PCDHA10: variants seen among roughly 807,000 people sequenced by gnomAD.
PCDHA10 encodes the protein protocadherin alpha-10.
PCDHA10 carries 45 observed loss-of-function variants against 61.2 expected under a neutral mutation model. The ratio of observed to expected loss-of-function variants is 0.74; its 90% confidence interval spans 0.58 to 0.94. The LOEUF (loss-of-function observed/expected upper bound fraction) is 0.94, where lower values mean the gene tolerates loss of function less well. Ranked by LOEUF, PCDHA10 falls within the 40% of genes least tolerant of loss-of-function variation. The probability of loss-of-function intolerance (pLI) is 0.00; values close to 1 mark genes in which losing one functional copy is unlikely to be tolerated. For missense variants in PCDHA10, 1,278 were observed against 1,236.2 expected (o/e 1.03, Z -0.51); for synonymous variants, 602 against 548.8 (o/e 1.10, Z -1.35).
intron 1 of PCDHA10, among the ~76,000 whole-genome samples, chr5:140,951,082 CTTT>C (rs573059224): frequency 6.6e-6 from 1 of 151,404 alleles, no homozygotes; most frequent in African/African-American, 2.4e-5. Flanking sequence ...TTATATTTTC[CTTT>C]TTTTCTGATA....
At chr5:140,943,349 T>C (rs1429038452) in intron 1 of PCDHA10, among the ~76,000 whole-genome samples, 1 of 147,572 alleles carries the variant, frequency 6.8e-6, no homozygotes, top group East Asian at 2.0e-4. Flanking sequence ...AGGATGAGAG[T>C]AGAGGAAAGG....
In PCDHA10 at chr5:140,857,654, G is replaced by C; in HGVS notation, c.1606G>C (p.Ala536Pro). 1 of 1,596,766 alleles carries C rather than the reference G, an allele frequency of 6.3e-7. No individual in the cohort carries two copies. Among genetic ancestry groups the C allele is most frequent in the South Asian group, 1.1e-5 (1 of 90,500 alleles). ...ELELLQFQVSARDGGVPPLGS... is the reference protein window; with the variant it reads ...ELELLQFQVSPRDGGVPPLGS... Reference sequence around the variant, plus strand: ...GGAGCTGCTACAGTTCCAGGTGAGCGCGCGCGATGGGGGCGTGCCGCCTCT... The same window carrying C: ...GGAGCTGCTACAGTTCCAGGTGAGCCCGCGCGATGGGGGCGTGCCGCCTCT... The change falls in exon 1 of 4, where the codon GCG (alanine) becomes CCG (proline). Residue 536 changes from alanine to proline, a missense_variant. Coordinates refer to ENST00000307360, the MANE Select transcript of PCDHA10 (RefSeq NM_018901.4).
chr5:140,883,251 T>C, intron 1 of PCDHA10: 1 of 1,614,086 alleles, frequency 6.2e-7, no homozygotes, highest in Non-Finnish European at 8.5e-7. Flanking sequence ...AAAGGAAATA[T>C]TCCAATGGCG....
chr5:140,937,717 C>G (rs868958316), intron 1 of PCDHA10, among the ~76,000 whole-genome samples: 34 of 151,858 alleles, frequency 2.2e-4, no homozygotes, highest in African/African-American at 8.2e-4. Flanking sequence ...TCAAGACCAT[C>G]CTGGCTAACA....
intron 1 of PCDHA10, among the ~76,000 whole-genome samples, chr5:140,944,938 A>G (rs2153667882): frequency 6.6e-6 from 1 of 152,262 alleles, no homozygotes; most frequent in African/African-American, 2.4e-5. Context: ...CCTTCTTTAG[A>G]TGATTGTGAA....
chr5:140,972,399 T>C (rs1554234105), intron 1 of PCDHA10, among the ~76,000 whole-genome samples: 2 of 152,062 alleles, frequency 1.3e-5, no homozygotes, highest in South Asian at 2.1e-4. Context: ...TGCTTCACTA[T>C]TGGCAAACCC....
intron 1 of PCDHA10, among the ~76,000 whole-genome samples, chr5:140,973,634 C>T (rs2096596343): frequency 6.6e-6 from 1 of 152,220 alleles, no homozygotes; most frequent in African/African-American, 2.4e-5. Flanking sequence ...ATCTTGTACA[C>T]ATTCTGACTG....
chr5:140,956,878 A>G (rs890203275), intron 1 of PCDHA10, among the ~76,000 whole-genome samples: 4 of 152,188 alleles, frequency 2.6e-5, no homozygotes, highest in Admixed American at 2.6e-4. Context: ...GAAAAGTTAG[A>G]TATCAATGAA....
chr5:140,930,466 T>C (rs2086864823), intron 1 of PCDHA10: 1 of 152,352 alleles, frequency 6.6e-6, no homozygotes. Context: ...CAAGTGATCC[T>C]CCCACCTAGG....
intron 1 of PCDHA10, chr5:140,968,562 C>T (rs1210264786): frequency 4.3e-6 from 7 of 1,614,090 alleles, no homozygotes; most frequent in Non-Finnish European, 8.5e-7. Context: ...CGAACTGCCC[C>T]TGCTGGCTAC....
intron 1 of PCDHA10, chr5:140,968,357 C>T: frequency 6.2e-7 from 1 of 1,614,080 alleles, no homozygotes; most frequent in Non-Finnish European, 8.5e-7. Context: ...CAGTGGCAGC[C>T]TTTATGCTGT....
chr5:140,941,403 G>A lies in PCDHA10; in HGVS notation c.2389-37546G>A, dbSNP rs527986544. Among the ~76,000 whole-genome samples, 769 of 142,382 alleles carry A rather than the reference G, an allele frequency of 5.4e-3. 3 individuals carry two copies. The highest frequency in any genetic ancestry group is 0.019 in the African/African-American group (737 of 38,338). The allele number at this position is 142,382 out of a possible 152,430, so 93.4% of individuals were successfully genotyped here. On this transcript the variant is annotated intron_variant, in intron 1 of 3. Coordinates refer to ENST00000307360, the MANE Select transcript of PCDHA10 (RefSeq NM_018901.4). ...AGGATTTTGGCTCACTGCAACCTCC[G>A]CCTCCCGGGTTCAAGCAATTCTCTG...
intron 1 of PCDHA10, chr5:140,883,057 G>A (rs781846985): frequency 1.2e-6 from 2 of 1,614,006 alleles, no homozygotes; most frequent in South Asian, 1.1e-5. Flanking sequence ...TAGTGATCAA[G>A]CTAAATGCCA....
Position 140,856,045 on chromosome 5 carries a change from T to C in PCDHA10, c.-4T>C, listed in dbSNP as rs1554148107. 3 of 1,581,954 alleles carry C rather than the reference T, an allele frequency of 1.9e-6. 1 individual carries two copies. In the African/African-American group the frequency reaches 4.1e-5, roughly 21 times the overall value. ...GTCGATTTGTAAAACAAGAGAAGGATAAGATGGTTTCCAGATGTAGCTGCC... is the reference window on the plus strand; with the variant it reads ...GTCGATTTGTAAAACAAGAGAAGGACAAGATGGTTTCCAGATGTAGCTGCC... On this transcript the variant is annotated 5_prime_UTR_variant, in exon 1 of 4. Coordinates refer to ENST00000307360, the MANE Select transcript of PCDHA10 (RefSeq NM_018901.4).
intron 1 of PCDHA10, among the ~76,000 whole-genome samples, chr5:140,944,030 A>G (rs1272534224): frequency 1.3e-5 from 2 of 152,214 alleles, no homozygotes; most frequent in East Asian, 1.9e-4. Context: ...TCTTCAAAAT[A>G]TGGAAAACCA....
chr5:141,000,185 G>A (rs1434179793), intron 3 of PCDHA10, among the ~76,000 whole-genome samples: 1 of 151,896 alleles, frequency 6.6e-6, no homozygotes, highest in African/African-American at 2.4e-5. Flanking sequence ...AGGAGTCAAT[G>A]TGAGAATAGT....
At chr5:140,925,479 A>G (rs2082513030) in intron 1 of PCDHA10, among the ~76,000 whole-genome samples, 1 of 152,116 alleles carries the variant, frequency 6.6e-6, no homozygotes. Context: ...TGTTTCTCAT[A>G]GAACTGATCA....
At position 140,858,001 on chromosome 5, in the gene PCDHA10, G is replaced by A; in HGVS notation, c.1953G>A (p.Lys651=). The A allele has an allele frequency of 6.3e-7, 1 of 1,597,108 alleles. No individual in the cohort carries two copies. The highest frequency in any genetic ancestry group is 2.2e-5 in the East Asian group (1 of 44,816). The change falls in exon 1 of 4, where the codon AAG becomes AAA. Residue 651 remains lysine (K), a synonymous_variant. Transcript: ENST00000307360. The part of the protein sequence containing the change: ...SPRQRLLVLV[K]DHGEPSLTAT... ...GCCAGCGCCTACTGGTGCTGGTGAA[G>A]GACCATGGCGAGCCGTCGCTGACGG...
In PCDHA10 at chr5:140,857,980, G is replaced by A. The variant is rs2045073152; in HGVS notation, c.1932G>A (p.Gln644=). ...TGGATGAGACTGACTCGCCACGCCA[G>A]CGCCTACTGGTGCTGGTGAAGGACC... ...RALDETDSPR[Q]RLLVLVKDHG... is the part of the protein sequence containing the mutation. Residue 644 remains glutamine (Q), a synonymous_variant, in exon 1 of 4, where the codon CAG becomes CAA. Transcript: ENST00000307360. The A allele has an allele frequency of 6.3e-7, 1 of 1,597,100 alleles. No homozygotes were observed. The highest frequency in any genetic ancestry group is 8.6e-7 in the Non-Finnish European group (1 of 1,167,294).
Sources: gnomAD v4.1 joint callset for allele counts (sites outside exome capture counted in the v4.1 genomes callset) on GRCh38, gnomAD v4.1.1 for gene constraint, MANE v1.5 for transcripts, NCBI Gene and HGNC (gene_info 2026-07-23, HGNC 2026-07-21) for gene names.